The following TSPAN5 variants were observed in gnomAD, a reference collection of about 807,000 sequenced individuals.
TSPAN5 encodes the protein tetraspanin 5, also known as tetraspanin-5.
In TSPAN5, 10 loss-of-function variants were observed where a neutral mutation model predicts 37.1. The observed-to-expected ratio is 0.27, with a 90% CI of 0.17 to 0.46. The LOEUF (loss-of-function observed/expected upper bound fraction) is 0.46. Ranked by LOEUF, TSPAN5 falls within the 20% of genes least tolerant of loss-of-function variation. The pLI, the probability that TSPAN5 is intolerant of heterozygous loss-of-function variation, is 1.00. For synonymous variants in TSPAN5, 110 were observed against 118.9 expected, an observed-to-expected ratio of 0.93 and a Z score of 0.48; for missense variants, 195 against 326.6, an observed-to-expected ratio of 0.60 and a Z score of 3.11.
intron 1 of TSPAN5, among the ~76,000 whole-genome samples, chr4:98,640,624 T>C (rs940862709): frequency 6.6e-6 from 1 of 152,126 alleles, no homozygotes; most frequent in Non-Finnish European, 1.5e-5. Flanking sequence ...TGGCAGCTGC[T>C]CTGATGAGAA....
intron 1 of TSPAN5, among the ~76,000 whole-genome samples, chr4:98,616,871 T>TC (rs1393242695): frequency 6.6e-6 from 1 of 151,790 alleles, no homozygotes; most frequent in East Asian, 1.9e-4. Context: ...CACGTAAATT[T>TC]TTTTTTTTTT....
chr4:98,493,730 T>G (rs1489588553), intron 2 of TSPAN5, among the ~76,000 whole-genome samples: 1 of 152,218 alleles, frequency 6.6e-6, no homozygotes, highest in Non-Finnish European at 1.5e-5. Context: ...ATGTCAATAT[T>G]CTTCTTAGGA....
At chr4:98,609,763 T>C (rs1756136127) in intron 1 of TSPAN5, among the ~76,000 whole-genome samples, 1 of 152,034 alleles carries the variant, frequency 6.6e-6, no homozygotes, top group African/African-American at 2.4e-5. Context: ...ATCTGTCCCT[T>C]ACCTAGGGAG....
chr4:98,521,514 C>T (rs1753855803), intron 1 of TSPAN5, among the ~76,000 whole-genome samples: 1 of 152,182 alleles, frequency 6.6e-6, no homozygotes, highest in African/African-American at 2.4e-5. Flanking sequence ...TTAATAAAGT[C>T]CTATGTGTCT....
chr4:98,626,179 A>C (rs184201522), intron 1 of TSPAN5, among the ~76,000 whole-genome samples: 1 of 152,170 alleles, frequency 6.6e-6, no homozygotes, highest in Non-Finnish European at 1.5e-5. Flanking sequence ...GCCCAGGTAC[A>C]TGCTGGTTTC....
intron 1 of TSPAN5, among the ~76,000 whole-genome samples, chr4:98,550,236 A>ATC (rs2110153662): frequency 1.3e-5 from 2 of 152,052 alleles, no homozygotes; most frequent in Non-Finnish European, 2.9e-5. Flanking sequence ...TATTCCACTG[A>ATC]TCTATGTGTC....
chr4:98,635,345 T>C (rs10489126), intron 1 of TSPAN5, among the ~76,000 whole-genome samples: 16,197 of 152,218 alleles, frequency 0.11, 967 homozygotes, highest in Non-Finnish European at 0.14. Context: ...AAAGAGGTCA[T>C]GGTGACAAGC....
Position 98,471,369 on chromosome 4 carries a change from A to T in TSPAN5, c.*1153T>A, listed in dbSNP as rs1350544415. 1 of 152,172 alleles carries T rather than the reference A, an allele frequency of 6.6e-6. No homozygotes were observed. Among genetic ancestry groups the T allele is most frequent in the Non-Finnish European group, 1.5e-5 (1 of 68,042 alleles). 9.4% of individuals were successfully genotyped at this position (152,172 alleles called of 1,614,324 possible). ...GCCACTCAGATCGACTCTGGAAGAG[A>T]TCATCAAGACCAGGGAAGCATTTGG... On this transcript the variant is annotated 3_prime_UTR_variant, in exon 8 of 8. Transcript: ENST00000305798.
chr4:98,482,854 G>C (rs1419262935), intron 3 of TSPAN5: 2 of 152,082 alleles, frequency 1.3e-5, no homozygotes, highest in African/African-American at 4.8e-5. Flanking sequence ...AGGAAGCATG[G>C]GCCCCAGCAA....
chr4:98,555,603 G>A (rs1754723758), intron 1 of TSPAN5, among the ~76,000 whole-genome samples: 1 of 152,070 alleles, frequency 6.6e-6, no homozygotes, highest in East Asian at 1.9e-4. Context: ...CCCCAGCACA[G>A]TGCCTTGAAT....
chr4:98,533,776 G>A (rs1373100832), intron 1 of TSPAN5, among the ~76,000 whole-genome samples: 12 of 147,582 alleles, frequency 8.1e-5, no homozygotes, highest in Non-Finnish European at 1.6e-4. Flanking sequence ...GGTCTCGATC[G>A]CCTGACCTCG....
Position 98,529,378 on chromosome 4 carries a change from C to T in TSPAN5, c.82-21650G>A, listed in dbSNP as rs78672993. The stretch of plus-strand genomic sequence containing the variant: ...TTGAAAATGATTACAACTGCTTCTA[C>T]AGGGTAAAAAACTGCCCGAAGTGGG... On this transcript the variant is annotated intron_variant, in intron 1 of 7. Coordinates refer to ENST00000305798, the MANE Select transcript of TSPAN5 (RefSeq NM_005723.4). 6.2e-3 allele frequency among the ~76,000 whole-genome samples: 939 copies of T among 152,328 alleles called. 8 individuals carry two copies. Among genetic ancestry groups the T allele is most frequent in the African/African-American group, 0.021 (860 of 41,568 alleles).
chr4:98,499,919 C>A (rs757357994), intron 2 of TSPAN5, among the ~76,000 whole-genome samples: 3 of 152,040 alleles, frequency 2.0e-5, no homozygotes, highest in African/African-American at 7.2e-5. Context: ...CTCGGCCTCC[C>A]AAAGTGCTGG....
At position 98,495,966 on chromosome 4, in the gene TSPAN5, A is replaced by G. The variant is rs114487828; in HGVS notation, c.133-9082T>C. On this transcript the variant is annotated intron_variant, in intron 2 of 7. Coordinates refer to ENST00000305798, the MANE Select transcript of TSPAN5 (RefSeq NM_005723.4). The stretch of plus-strand genomic sequence containing the variant: ...AGAGAGACAGGCCTATGAAATGTGT[A>G]CCCAAAGCTGGGCCAGATGGACCCC... Among the ~76,000 whole-genome samples the G allele has an allele frequency of 3.7e-3, 559 of 152,292 alleles. 5 individuals carry two copies. The highest frequency in any genetic ancestry group is 0.013 in the African/African-American group (541 of 41,564).
intron 1 of TSPAN5, among the ~76,000 whole-genome samples, chr4:98,520,241 G>A (rs1377362175): frequency 1.9e-4 from 29 of 152,222 alleles, no homozygotes; most frequent in Admixed American, 1.9e-3. Flanking sequence ...AGTAGGGGAA[G>A]GGGCCAGCTC....
chr4:98,645,677 C>T (rs902700174), intron 1 of TSPAN5, among the ~76,000 whole-genome samples: 13 of 152,172 alleles, frequency 8.5e-5, no homozygotes, highest in African/African-American at 2.7e-4. Flanking sequence ...TCCTGATCCT[C>T]GCTGAAATCA....
At chr4:98,497,185 C>T (rs6532737) in intron 2 of TSPAN5, among the ~76,000 whole-genome samples, 36,854 of 151,754 alleles carry the variant, frequency 0.24, 4,719 homozygotes, top group South Asian at 0.31. Flanking sequence ...ATCAGCCAGG[C>T]GTGCGCCTTG....
At chr4:98,644,437 T>C (rs1029679553) in intron 1 of TSPAN5, among the ~76,000 whole-genome samples, 1 of 152,196 alleles carries the variant, frequency 6.6e-6, no homozygotes, top group African/African-American at 2.4e-5. Context: ...AAGAAAATAT[T>C]ATTGTAGTAA....
rs146763607 is a variant in TSPAN5, at chr4:98,621,712, A to C, written c.81+36434T>G. 1.8e-3 allele frequency among the ~76,000 whole-genome samples: 273 copies of C among 152,138 alleles called. 1 individual carries two copies. In the Middle Eastern group the frequency reaches 0.034, roughly 19 times the overall value. ...TGCACAGTTCAGTGGCTTTTAGTAA[A>C]TTCACAATATAGTGCAGCCAGCACC... On this transcript the variant is annotated intron_variant, in intron 1 of 7. Transcript: ENST00000305798.
Sources: allele counts gnomAD v4.1 joint callset (sites outside exome capture counted in the v4.1 genomes callset), GRCh38; gene constraint gnomAD v4.1.1; transcripts MANE v1.5; gene names NCBI Gene and HGNC (gene_info 2026-07-23, HGNC 2026-07-21).